SKI: variants seen among roughly 807,000 people sequenced by gnomAD.
SKI encodes the protein SKI proto-oncogene, also known as ski oncogene.
A neutral mutation model predicts 59.3 loss-of-function variants in SKI; 23 were observed. That is an observed-to-expected ratio of 0.39 (90% CI 0.28 to 0.55). SKI has a LOEUF of 0.55. Among genes scored for constraint, SKI ranks in the 20% least tolerant of loss-of-function variants. The pLI is 0.67. For missense variants in SKI, 1,017 were observed against 1,038.9 expected (o/e 0.98, Z 0.29); for synonymous variants, 673 against 488.6 (o/e 1.38, Z -4.98).
chr1:2,231,217 C>CCA (rs77234996), intron 1 of SKI, among the ~76,000 whole-genome samples: 9,508 of 152,160 alleles, frequency 0.062, 705 homozygotes, highest in East Asian at 0.18. Context: ...CTGGAGGAAG[C>CCA]CACATGTCGG....
rs1338869539 is a variant in SKI, at chr1:2,291,901, G to T, written c.970-11077G>T. ...AAGCTGGTATTCTCACTTCATTTTG[G>T]GGCTTGGGGTTGTCTTGCAGATTCA... On this transcript the variant is annotated intron_variant, in intron 1 of 6. Coordinates refer to ENST00000378536, the MANE Select transcript of SKI (RefSeq NM_003036.4). 2.6e-5 allele frequency among the ~76,000 whole-genome samples: 4 copies of T among 152,214 alleles called. No individual in the cohort carries two copies. In the South Asian group the frequency reaches 8.3e-4, roughly 31 times the overall value.
intron 1 of SKI, among the ~76,000 whole-genome samples, chr1:2,282,329 AGGACGCCCGAGAAGACAGGCGGTGGCG>A (rs1639906066): frequency 2.3e-4 from 1 of 4,414 alleles, no homozygotes. Context: ...CTTCAGAGAG[AGGACGCCCGAGAAGACAGGCGGTGGCG>A]GAGATCTTCA....
chr1:2,303,346 T>C lies in SKI; in HGVS notation c.1157T>C (p.Val386Ala), dbSNP rs777513476. The change falls in exon 3 of 7, where the codon GTG becomes GCG. Residue 386 changes from valine to alanine, a missense_variant. Physicochemically the swap from Val to Ala is moderately conservative, Grantham distance 64. Coordinates refer to ENST00000378536, the MANE Select transcript of SKI (RefSeq NM_003036.4). The surrounding 1 kb of genome is among the most constrained non-coding windows in gnomAD (Gnocchi z 5.6). ...LSAFRPWSPA[V>A]SASEKELSPH... Reference sequence around the variant, plus strand: ...GCTTTCCGACCCTGGTCCCCCGCAGTGTCAGCGAGTGAGAAAGAGCTCTCC... The same window carrying C: ...GCTTTCCGACCCTGGTCCCCCGCAGCGTCAGCGAGTGAGAAAGAGCTCTCC... The C allele has an allele frequency of 1.2e-6, 2 of 1,613,838 alleles. No individual in the cohort carries two copies. The highest frequency in any genetic ancestry group is 1.7e-6 in the Non-Finnish European group (2 of 1,180,026).
At chr1:2,243,466 C>A (rs776847425) in intron 1 of SKI, among the ~76,000 whole-genome samples, 9 of 152,210 alleles carry the variant, frequency 5.9e-5, no homozygotes, top group Non-Finnish European at 1.2e-4. Flanking sequence ...CGTGTGCTCT[C>A]CGAGTGCCTG....
In SKI at chr1:2,267,942, G is replaced by A. The variant is rs1384415270; in HGVS notation, c.970-35036G>A. ...AGGTCCTGTGTGCCACCCGGGGCCTGTGTGCTGTGGTGGTCGTGGCTCTGT... is the reference window on the plus strand; with the variant it reads ...AGGTCCTGTGTGCCACCCGGGGCCTATGTGCTGTGGTGGTCGTGGCTCTGT... On this transcript the variant is annotated intron_variant, in intron 1 of 6. Coordinates refer to ENST00000378536, the MANE Select transcript of SKI (RefSeq NM_003036.4). The surrounding 1 kb of genome is among the most constrained non-coding windows in gnomAD (Gnocchi z 4.1). Among the ~76,000 whole-genome samples the A allele has an allele frequency of 2.6e-5, 4 of 152,204 alleles. No individual in the cohort carries two copies. Among genetic ancestry groups the A allele is most frequent in the African/African-American group, 9.6e-5 (4 of 41,460 alleles).
chr1:2,263,187 C>T (rs375706191), intron 1 of SKI, among the ~76,000 whole-genome samples: 38 of 151,748 alleles, frequency 2.5e-4, no homozygotes, highest in African/African-American at 6.5e-4. Context: ...AGGCATGTGC[C>T]ACTGTGTTTG....
chr1:2,304,877 C>T (rs1232652453), intron 5 of SKI, among the ~76,000 whole-genome samples: 19 of 152,228 alleles, frequency 1.2e-4, no homozygotes, highest in Non-Finnish European at 2.9e-5. Flanking sequence ...GCGTGGTGGC[C>T]CCACTGAGGA....
At chr1:2,271,152 G>A (rs1351986060) in intron 1 of SKI, among the ~76,000 whole-genome samples, 1 of 152,112 alleles carries the variant, frequency 6.6e-6, no homozygotes, top group South Asian at 2.1e-4. Flanking sequence ...TTTGTGATTG[G>A]CGACCCCAGG....
intron 1 of SKI, among the ~76,000 whole-genome samples, chr1:2,252,002 C>T (rs1051108433): frequency 2.6e-5 from 4 of 152,114 alleles, no homozygotes; most frequent in African/African-American, 4.8e-5. Flanking sequence ...CCAGACGCGC[C>T]GTGGCACGTG....
Position 2,305,965 on chromosome 1 carries a change from G to C in SKI, c.1768-55G>C, listed in dbSNP as rs986961299. The C allele has an allele frequency of 5.3e-6, 7 of 1,325,090 alleles. No homozygotes were observed. The African/African-American group carries it at 1.0e-4, about 19-fold the overall frequency. The allele number at this position is 1,325,090 out of a possible 1,614,324, so 82.1% of individuals were successfully genotyped here. A position where few individuals can be genotyped will look rare whatever the true frequency, so the allele number is the denominator to read the frequency against. On this transcript the variant is annotated intron_variant, in intron 5 of 6. Coordinates refer to ENST00000378536, the MANE Select transcript of SKI (RefSeq NM_003036.4). Reference sequence around the variant, plus strand: ...TGGGCTGAGGACTGCTGGTCATGGTGAGGGGTGTGCTGGGACCGGCTGGGC... The same window carrying C: ...TGGGCTGAGGACTGCTGGTCATGGTCAGGGGTGTGCTGGGACCGGCTGGGC...
At chr1:2,234,716 C>A (rs935736558) in intron 1 of SKI, among the ~76,000 whole-genome samples, 2 of 152,162 alleles carry the variant, frequency 1.3e-5, no homozygotes, top group Admixed American at 1.3e-4. Flanking sequence ...CTAAGGATTG[C>A]GAAAGTTGAG....
chr1:2,275,917 T>C (rs1253676414), intron 1 of SKI, among the ~76,000 whole-genome samples: 2 of 152,070 alleles, frequency 1.3e-5, no homozygotes, highest in African/African-American at 4.8e-5. Flanking sequence ...TGGCTCCTGG[T>C]CACTGCCCAC....
At chr1:2,300,299 C>A (rs1640393408) in intron 1 of SKI, among the ~76,000 whole-genome samples, 1 of 152,252 alleles carries the variant, frequency 6.6e-6, no homozygotes, top group Non-Finnish European at 1.5e-5. Flanking sequence ...CCTTGCAGGC[C>A]TATCCAGGCC....
intron 1 of SKI, among the ~76,000 whole-genome samples, chr1:2,231,976 C>T (rs896584567): frequency 1.3e-5 from 2 of 152,206 alleles, no homozygotes; most frequent in African/African-American, 2.4e-5. Context: ...CAGCCGTGTG[C>T]GTGTCTCTGT....
At chr1:2,292,530 G>A (rs1640183684) in intron 1 of SKI, among the ~76,000 whole-genome samples, 1 of 152,178 alleles carries the variant, frequency 6.6e-6, no homozygotes, top group Non-Finnish European at 1.5e-5. Flanking sequence ...TAGCTGTGTA[G>A]CCCACACCCC....
chr1:2,230,817 CT>C (rs894220045), intron 1 of SKI, among the ~76,000 whole-genome samples: 8 of 151,970 alleles, frequency 5.3e-5, no homozygotes, highest in Admixed American at 3.3e-4. Flanking sequence ...TTGCATCAAA[CT>C]TTTTTTTTCT....
At chr1:2,262,575 G>T (rs1408196549) in intron 1 of SKI, among the ~76,000 whole-genome samples, 1 of 152,060 alleles carries the variant, frequency 6.6e-6, no homozygotes, top group Non-Finnish European at 1.5e-5. Context: ...GGAGTGGTGG[G>T]CGTGGACGCC....
intron 1 of SKI, among the ~76,000 whole-genome samples, chr1:2,284,726 G>A (rs912060442): frequency 3.3e-5 from 5 of 152,194 alleles, no homozygotes; most frequent in African/African-American, 1.2e-4. Context: ...GGCTGGGAGG[G>A]CTCCAGGCAG....
At chr1:2,277,998 C>T (rs530961050) in intron 1 of SKI, among the ~76,000 whole-genome samples, 1 of 152,156 alleles carries the variant, frequency 6.6e-6, no homozygotes, top group Non-Finnish European at 1.5e-5. Flanking sequence ...TACATGGATG[C>T]ACACATCAGT....
Sources: allele counts gnomAD v4.1 joint callset (sites outside exome capture counted in the v4.1 genomes callset), GRCh38; gene constraint gnomAD v4.1.1; non-coding constraint Gnocchi (gnomAD v3.1); transcripts MANE v1.5; gene names NCBI Gene and HGNC (gene_info 2026-07-23, HGNC 2026-07-21).